Variants in CTNND2 observed in about 807,000 individuals in gnomAD.
CTNND2 encodes catenin delta-2.
Under a neutral mutation model 144.4 loss-of-function variants are expected in CTNND2, and 22 were observed. The observed-to-expected ratio is 0.15, with a 90% CI of 0.11 to 0.22. The LOEUF is 0.22. Ranked by LOEUF, CTNND2 falls within the 10% of genes least tolerant of loss-of-function variation. The pLI is 1.00. For missense variants in CTNND2, 1,353 were observed against 1,618.8 expected, an observed-to-expected ratio of 0.84 and a Z score of 2.82; for synonymous variants, 751 against 695.6, an observed-to-expected ratio of 1.08 and a Z score of -1.25.
intron 16 of CTNND2, among the ~76,000 whole-genome samples, chr5:11,065,888 T>C (rs750687010): frequency 6.6e-6 from 1 of 152,176 alleles, no homozygotes; most frequent in Non-Finnish European, 1.5e-5. Context: ...CTAACATAAC[T>C]AGATCTTTTT....
In CTNND2 at chr5:11,710,260, C is replaced by T. The variant is rs1415040592; in HGVS notation, c.174+21876G>A. On this transcript the variant is annotated intron_variant, in intron 2 of 21. Transcript: ENST00000304623. ...TGATGGTTTAAGGAACCCTTCGGTC[C>T]GGCTGGGTGCCGTGGCTCACATCTA... Among the ~76,000 whole-genome samples the T allele has an allele frequency of 3.3e-5, 5 of 152,104 alleles. No individual in the cohort carries two copies. In the East Asian group the frequency reaches 7.7e-4, roughly 23 times the overall value.
intron 3 of CTNND2, among the ~76,000 whole-genome samples, chr5:11,464,982 C>T (rs957723067): frequency 1.4e-4 from 21 of 152,162 alleles, no homozygotes; most frequent in Non-Finnish European, 2.8e-4. Flanking sequence ...CCAAAATGAT[C>T]TCTCCTTGCA....
intron 1 of CTNND2, among the ~76,000 whole-genome samples, chr5:11,877,813 A>C (rs1438938564): frequency 6.6e-6 from 1 of 152,158 alleles, no homozygotes; most frequent in Non-Finnish European, 1.5e-5. Flanking sequence ...AAGGACAAAA[A>C]GACTTTTCTT....
chr5:11,088,217 G>GC (rs1750383805), intron 15 of CTNND2, among the ~76,000 whole-genome samples: 1 of 152,068 alleles, frequency 6.6e-6, no homozygotes, highest in Non-Finnish European at 1.5e-5. Context: ...TGAGACTCAG[G>GC]CTGCCTCAGA....
At chr5:11,507,339 T>A (rs1420504025) in intron 3 of CTNND2, among the ~76,000 whole-genome samples, 1 of 152,132 alleles carries the variant, frequency 6.6e-6, no homozygotes, top group East Asian at 1.9e-4. Flanking sequence ...CCACCACACA[T>A]GATGATGGTC....
chr5:11,187,324 G>A (rs1735734727), intron 11 of CTNND2, among the ~76,000 whole-genome samples: 1 of 152,026 alleles, frequency 6.6e-6, no homozygotes, highest in Non-Finnish European at 1.5e-5. Context: ...TCTGATCTTT[G>A]ACAAACCTAA....
At chr5:11,721,029 C>A (rs1029428463) in intron 2 of CTNND2, among the ~76,000 whole-genome samples, 1 of 152,132 alleles carries the variant, frequency 6.6e-6, no homozygotes, top group Non-Finnish European at 1.5e-5. Flanking sequence ...TTCACAGCAA[C>A]ACTATTCCCA....
chr5:11,683,057 G>T (rs1784489964), intron 2 of CTNND2, among the ~76,000 whole-genome samples: 1 of 152,160 alleles, frequency 6.6e-6, no homozygotes, highest in Admixed American at 6.5e-5. Flanking sequence ...AGTCAATGAT[G>T]CATCGATTTG....
intron 2 of CTNND2, among the ~76,000 whole-genome samples, chr5:11,684,115 T>C (rs59625990): frequency 6.6e-6 from 1 of 151,934 alleles, no homozygotes; most frequent in Non-Finnish European, 1.5e-5. Flanking sequence ...TTTTATTTTT[T>C]TTTTTAGATG....
Position 11,199,656 on chromosome 5 carries a change from C to A in CTNND2, c.1767G>T (p.Arg589Ser). 6.2e-7 allele frequency: 1 copy of A among 1,613,692 alleles called. No individual in the cohort carries two copies. Among genetic ancestry groups the A allele is most frequent in the Non-Finnish European group, 8.5e-7 (1 of 1,179,806 alleles). The change falls in exon 11 of 22, where the codon AGG becomes AGT. Residue 589 changes from arginine to serine, a missense_variant. Arg to Ser is a moderately radical substitution (Grantham distance 110, BLOSUM62 -1). Transcript: ENST00000304623. ...FGDNKIKAEI[R>S]RQGGIQLLVD... ...CCAGGAGCTGGATGCCTCCTTGTCT[C>A]CTTATCTGAAAGAGCAAAGGACACC...
At chr5:11,847,048 A>G (rs1288096208) in intron 1 of CTNND2, among the ~76,000 whole-genome samples, 1 of 150,016 alleles carries the variant, frequency 6.7e-6, no homozygotes, top group Non-Finnish European at 1.5e-5. Flanking sequence ...CAAAAAATTA[A>G]AAATATAACT....
intron 2 of CTNND2, among the ~76,000 whole-genome samples, chr5:11,568,626 T>C (rs1184961629): frequency 1.3e-5 from 2 of 152,232 alleles, no homozygotes; most frequent in East Asian, 1.9e-4. Flanking sequence ...GACATTTTTG[T>C]GGCCCAAAGG....
At chr5:11,522,357 C>T (rs901975134) in intron 3 of CTNND2, among the ~76,000 whole-genome samples, 8 of 152,180 alleles carry the variant, frequency 5.3e-5, no homozygotes, top group African/African-American at 1.9e-4. Context: ...CCTTACATTA[C>T]GGCTTTAGTT....
At chr5:11,826,106 T>G (rs55964146) in intron 1 of CTNND2, among the ~76,000 whole-genome samples, 1 of 152,032 alleles carries the variant, frequency 6.6e-6, no homozygotes, top group Admixed American at 6.6e-5. Context: ...AGTTTTAAAA[T>G]TTTTTAATCA....
intron 9 of CTNND2, among the ~76,000 whole-genome samples, chr5:11,300,069 C>A (rs1749426749): frequency 6.6e-6 from 1 of 152,156 alleles, no homozygotes. Flanking sequence ...ATCATAAGAG[C>A]CTCTGGGGGT....
intron 12 of CTNND2, among the ~76,000 whole-genome samples, chr5:11,150,956 C>A (rs1462922449): frequency 1.3e-5 from 2 of 152,092 alleles, no homozygotes; most frequent in Non-Finnish European, 2.9e-5. Context: ...GCCTTTCATG[C>A]CTCTCATTGC....
intron 8 of CTNND2, among the ~76,000 whole-genome samples, chr5:11,357,218 C>T (rs1443434073): frequency 2.6e-5 from 4 of 152,042 alleles, no homozygotes; most frequent in Non-Finnish European, 5.9e-5. Context: ...TAAAGAGATA[C>T]CTGTACACTC....
At chr5:11,793,813 C>T (rs1488425772) in intron 1 of CTNND2, among the ~76,000 whole-genome samples, 1 of 152,216 alleles carries the variant, frequency 6.6e-6, no homozygotes, top group South Asian at 2.1e-4. Context: ...GTCTATCAAC[C>T]AATCACATTG....
intron 12 of CTNND2, among the ~76,000 whole-genome samples, chr5:11,126,403 T>A (rs977991958): frequency 6.6e-6 from 1 of 152,252 alleles, no homozygotes; most frequent in Admixed American, 6.5e-5. Flanking sequence ...ATGTAATGTT[T>A]GGTTCAATTT....
Sources: gnomAD v4.1 joint callset for allele counts (sites outside exome capture counted in the v4.1 genomes callset) on GRCh38, gnomAD v4.1.1 for gene constraint, MANE v1.5 for transcripts, NCBI Gene and HGNC (gene_info 2026-07-23, HGNC 2026-07-21) for gene names.